The following PHF24 variants were observed in gnomAD, a reference collection of about 807,000 sequenced individuals.
The protein encoded by PHF24 is Galpha inhibitory interacting protein.
In PHF24, 25 loss-of-function variants were observed where a neutral mutation model predicts 42.6. The ratio of observed to expected loss-of-function variants is 0.59; its 90% confidence interval spans 0.43 to 0.82. The LOEUF is 0.82. Ranked by LOEUF, PHF24 falls within the 40% of genes least tolerant of loss-of-function variation. PHF24 has a pLI of 0.00. For synonymous variants in PHF24, 185 were observed against 204.8 expected (o/e 0.90, Z 0.83); for missense variants, 470 against 538.1 (o/e 0.87, Z 1.25).
At chr9:34,748,469 G>A in the PHF24 span, among the ~76,000 whole-genome samples, 2 of 152,170 alleles carry the variant, frequency 1.3e-5, no homozygotes, top group Non-Finnish European at 2.9e-5. Flanking sequence ...CACAGTCCTA[G>A]TTGTGGTGGC....
upstream of PHF24, among the ~76,000 whole-genome samples, chr9:34,955,327 AAAAAG>A (rs1394859669): frequency 6.7e-6 from 1 of 149,250 alleles, no homozygotes; most frequent in African/African-American, 2.6e-5. Context: ...TATGCAAAAA[AAAAAG>A]AAAAGAAAGT....
the PHF24 span, among the ~76,000 whole-genome samples, chr9:34,681,678 G>A: frequency 6.6e-6 from 1 of 152,312 alleles, no homozygotes; most frequent in Non-Finnish European, 1.5e-5. Flanking sequence ...GGGTGTGGTG[G>A]TGTGTACCTG....
the PHF24 span, chr9:34,889,706 G>A: frequency 2.5e-6 from 1 of 398,032 alleles, no homozygotes; most frequent in Non-Finnish European, 4.4e-6. Context: ...CCTAGAAAGT[G>A]TGGCCCTGCA....
upstream of PHF24, among the ~76,000 whole-genome samples, chr9:34,954,496 G>A (rs1421487595): frequency 1.3e-5 from 2 of 152,190 alleles, no homozygotes; most frequent in African/African-American, 4.8e-5. Context: ...CCCAAGAGAT[G>A]TGTATTGCAA....
the PHF24 span, chr9:34,834,962 G>A: frequency 4.1e-5 from 60 of 1,453,124 alleles, 2 homozygotes; most frequent in Non-Finnish European, 5.3e-5. Context: ...TCCCATGAAA[G>A]TGGCAACCAG....
chr9:34,704,218 CAG>C, the PHF24 span, among the ~76,000 whole-genome samples: 1 of 150,198 alleles, frequency 6.7e-6, no homozygotes, highest in Admixed American at 6.7e-5. Flanking sequence ...TTTGTAGAGA[CAG>C]GGGTCTTGCT....
chr9:34,792,272 G>T, the PHF24 span, among the ~76,000 whole-genome samples: 1 of 152,170 alleles, frequency 6.6e-6, no homozygotes, highest in African/African-American at 2.4e-5. Flanking sequence ...ATTGATGAAA[G>T]TGTGGTTATG....
the PHF24 span, among the ~76,000 whole-genome samples, chr9:34,790,887 G>C: frequency 6.6e-6 from 1 of 152,260 alleles, no homozygotes; most frequent in Non-Finnish European, 1.5e-5. Context: ...GGTGCCAAGA[G>C]GGGCAGGAAT....
At chr9:34,830,598 G>T in the PHF24 span, among the ~76,000 whole-genome samples, 6 of 152,286 alleles carry the variant, frequency 3.9e-5, no homozygotes, top group Admixed American at 2.0e-4. Flanking sequence ...TGTGTGGCTA[G>T]GATTACCAAA....
chr9:34,676,282 G>T, the PHF24 span, among the ~76,000 whole-genome samples: 7 of 152,128 alleles, frequency 4.6e-5, no homozygotes, highest in African/African-American at 1.7e-4. Context: ...CCAGCACTTT[G>T]GAAGGCCAAG....
the PHF24 span, among the ~76,000 whole-genome samples, chr9:34,931,106 G>C: frequency 6.6e-6 from 1 of 152,116 alleles, no homozygotes; most frequent in Non-Finnish European, 1.5e-5. Flanking sequence ...GGCCGAGCGC[G>C]GTGGCTCACG....
At chr9:34,933,935 G>C in the PHF24 span, among the ~76,000 whole-genome samples, 1 of 151,776 alleles carries the variant, frequency 6.6e-6, no homozygotes, top group African/African-American at 2.4e-5. Context: ...AGTAGAGACA[G>C]GGTTTTACTA....
chr9:34,779,452 A>G, the PHF24 span, among the ~76,000 whole-genome samples: 1 of 152,192 alleles, frequency 6.6e-6, no homozygotes, highest in Non-Finnish European at 1.5e-5. Context: ...TAATCTACAT[A>G]TTCAACACAA....
At chr9:34,961,599 A>T (rs1826590869) in intron 1 of PHF24, among the ~76,000 whole-genome samples, 1 of 152,196 alleles carries the variant, frequency 6.6e-6, no homozygotes, top group African/African-American at 2.4e-5. Context: ...GGGGGAAATT[A>T]TGGCATTACA....
chr9:34,770,751 CGT>C, the PHF24 span, among the ~76,000 whole-genome samples: 14 of 150,148 alleles, frequency 9.3e-5, no homozygotes, highest in Non-Finnish European at 1.5e-4. Context: ...CTTTTGAAAC[CGT>C]GTGAGTGTAT....
upstream of PHF24, among the ~76,000 whole-genome samples, chr9:34,955,357 A>G (rs985217378): frequency 1.3e-5 from 2 of 151,342 alleles, no homozygotes; most frequent in Admixed American, 1.3e-4. Flanking sequence ...AACAGTCCCT[A>G]CCTTGTAAAG....
At chr9:34,915,925 C>A in the PHF24 span, among the ~76,000 whole-genome samples, 1 of 151,882 alleles carries the variant, frequency 6.6e-6, no homozygotes, top group Non-Finnish European at 1.5e-5. Context: ...CCCACACCAC[C>A]CCACCACCAA....
chr9:34,752,324 C>A, the PHF24 span, among the ~76,000 whole-genome samples: 1 of 151,816 alleles, frequency 6.6e-6, no homozygotes, highest in African/African-American at 2.4e-5. Context: ...AGAGAGAAGA[C>A]TCACATAAAA....
the PHF24 span, among the ~76,000 whole-genome samples, chr9:34,721,417 C>G: frequency 6.6e-6 from 1 of 151,834 alleles, no homozygotes; most frequent in Non-Finnish European, 1.5e-5. Context: ...CTCTCTCTCT[C>G]TCTCTCTCTC....
Sources: gnomAD v4.1 joint callset for allele counts (sites outside exome capture counted in the v4.1 genomes callset) on GRCh38, gnomAD v4.1.1 for gene constraint, MANE v1.5 for transcripts, NCBI Gene and HGNC (gene_info 2026-07-23, HGNC 2026-07-21) for gene names.